ROBO2: variants seen among roughly 807,000 people sequenced by gnomAD.
ROBO2 encodes the protein roundabout guidance receptor 2.
In ROBO2, 53 loss-of-function variants were observed where a neutral mutation model predicts 160.8. That is an observed-to-expected ratio of 0.33 (90% confidence interval 0.26 to 0.41). The LOEUF is 0.41. Ranked by LOEUF, ROBO2 falls within the 10% of genes least tolerant of loss-of-function variation. ROBO2 has a pLI of 1.00. For synonymous variants in ROBO2, 664 were observed against 611.7 expected, an observed-to-expected ratio of 1.09 and a Z score of -1.26; for missense variants, 1,577 against 1,722.4, an observed-to-expected ratio of 0.92 and a Z score of 1.49.
intron 2 of ROBO2, among the ~76,000 whole-genome samples, chr3:76,216,066 C>G (rs1575921714): frequency 6.6e-6 from 1 of 152,096 alleles, no homozygotes; most frequent in East Asian, 1.9e-4. Context: ...AACTAAGCTT[C>G]ATAAGTGAAG....
chr3:77,401,403 T>C (rs2075786562), intron 2 of ROBO2, among the ~76,000 whole-genome samples: 1 of 152,084 alleles, frequency 6.6e-6, no homozygotes, highest in South Asian at 2.1e-4. Flanking sequence ...GCAGGGACAG[T>C]GTATTTTTAT....
chr3:77,317,002 T>A (rs537558863), intron 2 of ROBO2: 1 of 1,523,898 alleles, frequency 6.6e-7, no homozygotes, highest in Non-Finnish European at 9.1e-7. Context: ...GGTCTCCAAC[T>A]TCTTGTTCAC....
rs1372933515 is a variant in ROBO2 at position 77,632,764 on chromosome 3, C to T, written c.3761-2106C>T. ...TTAGTGAGTCTGACTGTAGGGCTTT[C>T]TTTAATACGCATGAATACAGTTTGG... On this transcript the variant is annotated intron_variant, in intron 23 of 25. Transcript: ENST00000461745. 1.0e-5 allele frequency: 10 copies of T among 970,820 alleles called. No individual in the cohort carries two copies. In the African/African-American group the frequency reaches 1.5e-4, roughly 14 times the overall value. The allele number at this position is 970,820 out of a possible 1,614,324, so 60.1% of individuals were successfully genotyped here.
intron 2 of ROBO2, among the ~76,000 whole-genome samples, chr3:77,385,986 A>C (rs2074058930): frequency 6.6e-6 from 1 of 152,214 alleles, no homozygotes; most frequent in Non-Finnish European, 1.5e-5. Flanking sequence ...AAATATTGTC[A>C]TGTAAGTCAA....
At chr3:76,092,943 T>A (rs2108106348) in intron 2 of ROBO2, among the ~76,000 whole-genome samples, 1 of 152,316 alleles carries the variant, frequency 6.6e-6, no homozygotes, top group Middle Eastern at 3.4e-3. Context: ...CTTCGTCAAA[T>A]CACTTTTTAT....
At chr3:76,530,066 G>A (rs909977221) in intron 2 of ROBO2, among the ~76,000 whole-genome samples, 1 of 152,034 alleles carries the variant, frequency 6.6e-6, no homozygotes, top group African/African-American at 2.4e-5. Context: ...GCCACTTTCT[G>A]GCCACAGATG....
intron 2 of ROBO2, among the ~76,000 whole-genome samples, chr3:76,327,735 C>G (rs943346584): frequency 1.8e-4 from 28 of 152,120 alleles, no homozygotes; most frequent in African/African-American, 6.8e-4. Flanking sequence ...AAAAAGTAGG[C>G]AAATTCACAT....
At chr3:77,547,641 T>A (rs1310274710) in intron 7 of ROBO2, among the ~76,000 whole-genome samples, 1 of 152,042 alleles carries the variant, frequency 6.6e-6, no homozygotes, top group Non-Finnish European at 1.5e-5. Context: ...TGAGCAGTTC[T>A]AACAGCTCAG....
intron 2 of ROBO2, among the ~76,000 whole-genome samples, chr3:76,031,873 G>A (rs2066933369): frequency 6.6e-6 from 1 of 152,210 alleles, no homozygotes; most frequent in African/African-American, 2.4e-5. Context: ...GATGATACTG[G>A]CCTCATAAAA....
At chr3:76,324,931 C>T (rs1429843586) in intron 2 of ROBO2, among the ~76,000 whole-genome samples, 37 of 152,074 alleles carry the variant, frequency 2.4e-4, no homozygotes, top group Non-Finnish European at 1.5e-5. Context: ...ACGGTGAAAC[C>T]CCGTCTCTAA....
At chr3:77,272,664 T>C (rs995516117) in intron 2 of ROBO2, among the ~76,000 whole-genome samples, 36 of 152,134 alleles carry the variant, frequency 2.4e-4, no homozygotes, top group Non-Finnish European at 1.5e-5. Flanking sequence ...TTCAAGTTAG[T>C]GTAAAAGCGA....
intron 2 of ROBO2, among the ~76,000 whole-genome samples, chr3:76,662,119 C>T (rs1021619708): frequency 6.6e-6 from 1 of 152,114 alleles, no homozygotes; most frequent in Non-Finnish European, 1.5e-5. Flanking sequence ...CACTTCCCAT[C>T]ATGGCCTGAA....
chr3:76,578,907 G>T (rs1281693712), intron 2 of ROBO2, among the ~76,000 whole-genome samples: 1 of 151,988 alleles, frequency 6.6e-6, no homozygotes, highest in Non-Finnish European at 1.5e-5. Context: ...TTACTAAATG[G>T]CCACTTCATA....
intron 2 of ROBO2, among the ~76,000 whole-genome samples, chr3:77,316,277 G>A (rs1403465521): frequency 6.6e-6 from 1 of 152,170 alleles, no homozygotes; most frequent in Admixed American, 6.6e-5. Flanking sequence ...GTGTAAAAGA[G>A]GTGACGACGA....
chr3:76,907,942 C>A (rs2075724898), intron 2 of ROBO2, among the ~76,000 whole-genome samples: 1 of 151,960 alleles, frequency 6.6e-6, no homozygotes, highest in African/African-American at 2.4e-5. Context: ...CGGGTTCAAG[C>A]AATTCTCCTG....
intron 2 of ROBO2, among the ~76,000 whole-genome samples, chr3:76,640,539 T>TAATAAATAAATA (rs56257359): frequency 0.012 from 1,725 of 144,572 alleles, 13 homozygotes; most frequent in African/African-American, 0.022. Context: ...GTCTCAAAAA[T>TAATAAATAAATA]AATAAATAAA....
At chr3:76,528,770 G>A (rs907446514) in intron 2 of ROBO2, among the ~76,000 whole-genome samples, 4 of 152,048 alleles carry the variant, frequency 2.6e-5, no homozygotes, top group African/African-American at 7.2e-5. Flanking sequence ...GAAAATATAA[G>A]AGTTCCTAGG....
chr3:76,859,825 C>T (rs918154869), intron 2 of ROBO2, among the ~76,000 whole-genome samples: 26 of 152,166 alleles, frequency 1.7e-4, no homozygotes, highest in African/African-American at 6.3e-4. Context: ...AGGCCACTTC[C>T]TTTGTTCTTG....
chr3:76,631,723 G>A (rs1372911261), intron 2 of ROBO2, among the ~76,000 whole-genome samples: 1 of 152,082 alleles, frequency 6.6e-6, no homozygotes, highest in Admixed American at 6.6e-5. Context: ...TGGCTATAGG[G>A]CATTGGAAAA....
Sources: allele counts gnomAD v4.1 joint callset (sites outside exome capture counted in the v4.1 genomes callset), GRCh38; gene constraint gnomAD v4.1.1; transcripts MANE v1.5; gene names NCBI Gene and HGNC (gene_info 2026-07-23, HGNC 2026-07-21).